The following PSD3 variants were observed in gnomAD, a reference collection of about 807,000 sequenced individuals.
The protein encoded by PSD3 is PH and SEC7 domain-containing protein 3.
PSD3 carries 49 observed loss-of-function variants against 105.5 expected under a neutral mutation model. That is an observed-to-expected ratio of 0.46 (90% confidence interval 0.37 to 0.59). PSD3 has a LOEUF of 0.59. PSD3 is among the 20% of genes least tolerant of loss of function. The pLI, the probability that PSD3 is intolerant of heterozygous loss-of-function variation, is 0.00. For missense variants in PSD3, 1,561 were observed against 1,263.8 expected, an observed-to-expected ratio of 1.24 and a Z score of -3.57; for synonymous variants, 557 against 457.8, an observed-to-expected ratio of 1.22 and a Z score of -2.77.
chr8:18,863,814 T>C (rs1360897940), intron 4 of PSD3, among the ~76,000 whole-genome samples: 1 of 152,160 alleles, frequency 6.6e-6, no homozygotes, highest in Non-Finnish European at 1.5e-5. Flanking sequence ...TTTGGAATAT[T>C]TTCTTCTTTG....
intron 9 of PSD3, among the ~76,000 whole-genome samples, chr8:18,666,879 T>C (rs1284028688): frequency 6.6e-6 from 1 of 152,216 alleles, no homozygotes; most frequent in African/African-American, 2.4e-5. Context: ...GGAATGCTAT[T>C]GTGTCCAGAA....
At position 19,059,928 on chromosome 8, in the gene PSD3, C is replaced by T. The variant is rs151067361; in HGVS notation, c.324+24278G>A. 2.2e-3 allele frequency among the ~76,000 whole-genome samples: 334 copies of T among 152,328 alleles called. 2 individuals are homozygous for T. Among genetic ancestry groups the T allele is most frequent in the African/African-American group, 7.6e-3 (318 of 41,574 alleles). On this transcript the variant is annotated intron_variant, in intron 1 of 1. Transcript: ENST00000521475. ...TTTGCTCTGTGCAGAGAGCTGCATCCCCAGCAATGGGGCAGGACTTGGAAA... is the reference window on the plus strand; with the variant it reads ...TTTGCTCTGTGCAGAGAGCTGCATCTCCAGCAATGGGGCAGGACTTGGAAA...
At chr8:18,985,062 T>A (rs142072681) in intron 1 of PSD3, among the ~76,000 whole-genome samples, 2,727 of 152,186 alleles carry the variant, frequency 0.018, 94 homozygotes, top group African/African-American at 0.063. Context: ...GTCTCCGGAG[T>A]AGCTGGGATT....
chr8:18,777,105 C>T (rs1468727535), intron 8 of PSD3, among the ~76,000 whole-genome samples: 3 of 152,160 alleles, frequency 2.0e-5, no homozygotes, highest in East Asian at 1.9e-4. Flanking sequence ...TGCAGTGGAA[C>T]GATCTTGGCT....
chr8:18,752,098 G>A (rs987845174), intron 9 of PSD3, among the ~76,000 whole-genome samples: 5 of 151,654 alleles, frequency 3.3e-5, no homozygotes, highest in Non-Finnish European at 7.4e-5. Flanking sequence ...TGTGTCAGGA[G>A]AATCACTTGA....
intron 12 of PSD3, among the ~76,000 whole-genome samples, chr8:18,592,035 C>G (rs1803651098): frequency 6.6e-6 from 1 of 152,026 alleles, no homozygotes; most frequent in Non-Finnish European, 1.5e-5. Flanking sequence ...ACAGAACAAA[C>G]AGGAAAACAT....
chr8:18,600,300 T>TA, intron 12 of PSD3, 64 bp downstream of exon 12: 1 of 1,399,774 alleles, frequency 7.1e-7, no homozygotes, highest in Non-Finnish European at 1.0e-6. Context: ...CGTACATACA[T>TA]ATACTGGACC....
intron 6 of PSD3, among the ~76,000 whole-genome samples, chr8:18,802,870 C>A (rs956177036): frequency 6.6e-6 from 1 of 152,120 alleles, no homozygotes; most frequent in Admixed American, 6.5e-5. Context: ...TTTTAGACAC[C>A]TTCATTTGAA....
At chr8:18,931,477 A>C (rs557154261) in intron 2 of PSD3, among the ~76,000 whole-genome samples, 3 of 152,246 alleles carry the variant, frequency 2.0e-5, no homozygotes, top group Non-Finnish European at 4.4e-5. Context: ...ATTTGCTTAG[A>C]CAATACAAGT....
At chr8:18,914,304 G>A (rs1020567703) in intron 2 of PSD3, among the ~76,000 whole-genome samples, 1 of 151,658 alleles carries the variant, frequency 6.6e-6, no homozygotes, top group African/African-American at 2.4e-5. Context: ...ACACTCTTGA[G>A]AAACAAGGCA....
At chr8:18,605,303 TAAC>T (rs1563369865) in intron 11 of PSD3, among the ~76,000 whole-genome samples, 1 of 151,236 alleles carries the variant, frequency 6.6e-6, no homozygotes, top group African/African-American at 2.4e-5. Flanking sequence ...TGGAGCCAAA[TAAC>T]AATTTTTTGG....
At chr8:19,006,041 T>G (rs924462393) in intron 1 of PSD3, among the ~76,000 whole-genome samples, 6 of 151,748 alleles carry the variant, frequency 4.0e-5, no homozygotes, top group African/African-American at 1.5e-4. Context: ...GTGCGGTGGC[T>G]CCCAGCACTC....
At chr8:18,791,863 T>A (rs1809753555) in intron 8 of PSD3, among the ~76,000 whole-genome samples, 1 of 152,110 alleles carries the variant, frequency 6.6e-6, no homozygotes, top group South Asian at 2.1e-4. Flanking sequence ...CTACAAGGAA[T>A]TTAAATGTAT....
At chr8:18,756,472 C>T (rs796439429) in intron 9 of PSD3, among the ~76,000 whole-genome samples, 11 of 152,188 alleles carry the variant, frequency 7.2e-5, no homozygotes, top group African/African-American at 2.2e-4. Flanking sequence ...TAAGTATACA[C>T]TTCTTTGTCT....
chr8:19,027,234 A>G (rs369657600), intron 1 of PSD3, among the ~76,000 whole-genome samples: 11 of 152,192 alleles, frequency 7.2e-5, no homozygotes, highest in East Asian at 5.8e-4. Context: ...AAAAAGAAAA[A>G]GAAAAAGAAA....
intron 4 of PSD3, among the ~76,000 whole-genome samples, chr8:18,821,684 A>AACACACACACACACACACACACACAC (rs10527060): frequency 1.8e-4 from 23 of 131,394 alleles, no homozygotes; most frequent in South Asian, 2.6e-4. Flanking sequence ...TGACCCCCAC[A>AACACACACACACACACACACACACAC]ACACACACAC....
chr8:18,848,219 T>C (rs770634289), intron 4 of PSD3, among the ~76,000 whole-genome samples: 1 of 152,192 alleles, frequency 6.6e-6, no homozygotes, highest in Non-Finnish European at 1.5e-5. Flanking sequence ...ACCATGTTGG[T>C]GTACAGTTAC....
At chr8:18,536,260 A>G (rs1799842502) in intron 15 of PSD3, among the ~76,000 whole-genome samples, 2 of 152,208 alleles carry the variant, frequency 1.3e-5, no homozygotes, top group African/African-American at 4.8e-5. Flanking sequence ...ACACTCAGGC[A>G]TGAGAAGGGT....
chr8:18,690,882 C>T (rs535116250), intron 9 of PSD3, among the ~76,000 whole-genome samples: 1 of 152,100 alleles, frequency 6.6e-6, no homozygotes, highest in Admixed American at 6.5e-5. Flanking sequence ...CTCAATTGGA[C>T]ATAAAACTGC....
Sources: allele counts gnomAD v4.1 joint callset (sites outside exome capture counted in the v4.1 genomes callset), GRCh38; gene constraint gnomAD v4.1.1; transcripts MANE v1.5; gene names NCBI Gene and HGNC (gene_info 2026-07-23, HGNC 2026-07-21).